The following BANP variants were observed in gnomAD, a reference collection of about 807,000 sequenced individuals.
The protein encoded by BANP is protein BANP.
Under a neutral mutation model 68.1 loss-of-function variants are expected in BANP, and 11 were observed. That is an observed-to-expected ratio of 0.16 (90% CI 0.10 to 0.27). The LOEUF (loss-of-function observed/expected upper bound fraction) is 0.27, where lower values mean the gene tolerates loss of function less well. BANP is among the 10% of genes least tolerant of loss of function. BANP has a pLI of 1.00. For missense variants in BANP, 504 were observed against 722.7 expected, an observed-to-expected ratio of 0.70 and a Z score of 3.47; for synonymous variants, 329 against 303.2, an observed-to-expected ratio of 1.09 and a Z score of -0.88.
chr16:87,959,103 G>A (rs753003424), intron 1 of BANP, among the ~76,000 whole-genome samples: 52 of 152,188 alleles, frequency 3.4e-4, no homozygotes, highest in Non-Finnish European at 5.3e-4. Flanking sequence ...GGCCCAGGAC[G>A]GGATGGCACG....
chr16:87,950,068 G>A (rs376131815), upstream of BANP, among the ~76,000 whole-genome samples: 3 of 152,036 alleles, frequency 2.0e-5, no homozygotes, highest in South Asian at 6.2e-4. Context: ...TAGTAGAGAC[G>A]GGGTTTCACC....
At chr16:88,020,945 A>G (rs1343337981) in intron 7 of BANP, among the ~76,000 whole-genome samples, 1 of 152,122 alleles carries the variant, frequency 6.6e-6, no homozygotes, top group Non-Finnish European at 1.5e-5. Flanking sequence ...CTGTGTCTGT[A>G]TTCAGGGAGT....
At chr16:87,977,335 C>T (rs1286661312) in intron 2 of BANP, among the ~76,000 whole-genome samples, 6 of 152,034 alleles carry the variant, frequency 3.9e-5, no homozygotes, top group African/African-American at 1.2e-4. Context: ...AGGAGAATGG[C>T]GTGAACCCGG....
chr16:87,965,059 A>G (rs1876318459), intron 1 of BANP, among the ~76,000 whole-genome samples: 1 of 152,156 alleles, frequency 6.6e-6, no homozygotes, highest in African/African-American at 2.4e-5. Flanking sequence ...CCACAGACTG[A>G]TGAGCCGCTG....
intron 11 of BANP, among the ~76,000 whole-genome samples, chr16:88,043,274 G>A (rs775214880): frequency 2.6e-5 from 4 of 152,208 alleles, no homozygotes; most frequent in Non-Finnish European, 5.9e-5. Context: ...TAGCTCCTTC[G>A]GGTGAGCTGC....
intron 12 of BANP, among the ~76,000 whole-genome samples, chr16:88,066,831 TC>T (rs1220674287): frequency 1.3e-5 from 2 of 152,096 alleles, no homozygotes; most frequent in African/African-American, 4.8e-5. Context: ...GTGCGGGCGC[TC>T]CCTCTCGTGC....
intron 4 of BANP, among the ~76,000 whole-genome samples, chr16:87,987,932 A>G (rs1312465965): frequency 1.3e-5 from 2 of 151,762 alleles, no homozygotes; most frequent in Non-Finnish European, 2.9e-5. Flanking sequence ...TGCTTGGCTA[A>G]TTTTTGTTTT....
chr16:88,035,058 T>C (rs1156739180), intron 9 of BANP: 4 of 455,480 alleles, frequency 8.8e-6, no homozygotes, highest in South Asian at 4.8e-5. Context: ...ATAGCATATA[T>C]GGGGTTCAGC....
At chr16:88,062,685 A>G (rs773510365) in intron 11 of BANP, among the ~76,000 whole-genome samples, 10 of 152,216 alleles carry the variant, frequency 6.6e-5, no homozygotes, top group Admixed American at 3.3e-4. Flanking sequence ...GTCCGTTCCA[A>G]TGAGCGGCTT....
chr16:87,953,827 T>C (rs1457452894), intron 1 of BANP, among the ~76,000 whole-genome samples: 1 of 152,228 alleles, frequency 6.6e-6, no homozygotes, highest in Non-Finnish European at 1.5e-5. Flanking sequence ...GCCAGCCTGA[T>C]ATTTTCCTTT....
chr16:88,067,975 C>T (rs1398920109), intron 12 of BANP, among the ~76,000 whole-genome samples: 1 of 152,262 alleles, frequency 6.6e-6, no homozygotes, highest in Non-Finnish European at 1.5e-5. Flanking sequence ...ACCCGCCCTC[C>T]CCCCACTGTC....
chr16:87,949,736 C>T (rs1369293535), upstream of BANP: 1 of 148,702 alleles, frequency 6.7e-6, no homozygotes, highest in Non-Finnish European at 1.5e-5. Flanking sequence ...ACCTCCAAGC[C>T]TAATTCTGGA....
chr16:88,035,872 C>T (rs2079217940), intron 10 of BANP, among the ~76,000 whole-genome samples: 3 of 152,238 alleles, frequency 2.0e-5, no homozygotes, highest in South Asian at 4.1e-4. Context: ...TGCTGCCAGT[C>T]CTGAGAGCTG....
intron 6 of BANP, among the ~76,000 whole-genome samples, chr16:88,016,749 G>A (rs1158673715): frequency 2.6e-5 from 4 of 152,212 alleles, no homozygotes; most frequent in Non-Finnish European, 5.9e-5. Flanking sequence ...CAGGTGGAAT[G>A]TAATAGTGGC....
upstream of BANP, chr16:87,950,617 G>A (rs193022879): frequency 9.9e-5 from 15 of 152,276 alleles, no homozygotes; most frequent in African/African-American, 3.6e-4. Context: ...TGTATTTTTA[G>A]TAGAGACAGG....
intron 11 of BANP, among the ~76,000 whole-genome samples, chr16:88,042,286 A>G (rs1487498184): frequency 6.6e-6 from 1 of 152,192 alleles, no homozygotes; most frequent in East Asian, 1.9e-4. Context: ...TGGGAAGATG[A>G]GGTTCAGGGG....
At chr16:87,964,271 G>T (rs893057065) in intron 1 of BANP, among the ~76,000 whole-genome samples, 4 of 152,212 alleles carry the variant, frequency 2.6e-5, no homozygotes, top group Non-Finnish European at 5.9e-5. Context: ...GATGCGGTGC[G>T]GGCCAGGCCC....
chr16:87,970,494 T>TCA (rs1394621947), intron 1 of BANP, among the ~76,000 whole-genome samples: 3 of 152,240 alleles, frequency 2.0e-5, no homozygotes, highest in Non-Finnish European at 2.9e-5. Flanking sequence ...CTATTGCTTA[T>TCA]GATGTGGTTT....
intron 1 of BANP, chr16:87,952,338 G>C (rs1202766719): frequency 1.3e-5 from 2 of 152,262 alleles, no homozygotes; most frequent in African/African-American, 4.8e-5. Flanking sequence ...AGTGGAGCGA[G>C]TGTGGGCTTT....
Sources: allele counts gnomAD v4.1 joint callset (sites outside exome capture counted in the v4.1 genomes callset), GRCh38; gene constraint gnomAD v4.1.1; transcripts MANE v1.5; gene names NCBI Gene and HGNC (gene_info 2026-07-23, HGNC 2026-07-21).